NCOA2: variants seen among roughly 807,000 people sequenced by gnomAD.
The protein encoded by NCOA2 is nuclear receptor coactivator 2.
Under a neutral mutation model 145.1 loss-of-function variants are expected in NCOA2, and 21 were observed. That is an observed-to-expected ratio of 0.14 (90% CI 0.10 to 0.21). NCOA2 has a LOEUF of 0.21. Among genes scored for constraint, NCOA2 ranks in the 10% least tolerant of loss-of-function variants. The pLI, the probability that NCOA2 is intolerant of heterozygous loss-of-function variation, is 1.00. For missense variants in NCOA2, 1,472 were observed against 1,837.6 expected (o/e 0.80, Z 3.64); for synonymous variants, 619 against 637.5 (o/e 0.97, Z 0.44).
At chr8:70,433,603 C>T in the NCOA2 span, among the ~76,000 whole-genome samples, 3 of 152,076 alleles carry the variant, frequency 2.0e-5, no homozygotes, top group Non-Finnish European at 4.4e-5. Context: ...TATGCAATGC[C>T]GCTACTGAAG....
At chr8:70,366,183 C>T (rs770032821) in intron 1 of NCOA2, among the ~76,000 whole-genome samples, 14 of 152,266 alleles carry the variant, frequency 9.2e-5, no homozygotes, top group Admixed American at 2.0e-4. Context: ...AAAGATCCCA[C>T]GAGAGCCCTC....
At chr8:70,410,209 CA>C in the NCOA2 span, among the ~76,000 whole-genome samples, 216 of 147,166 alleles carry the variant, frequency 1.5e-3, 1 homozygote, top group African/African-American at 5.2e-3. Flanking sequence ...GATTCTTGTC[CA>C]AAAAAAAACA....
At chr8:70,179,652 C>T (rs554174932) in intron 4 of NCOA2, among the ~76,000 whole-genome samples, 1 of 152,248 alleles carries the variant, frequency 6.6e-6, no homozygotes, top group East Asian at 1.9e-4. Context: ...GTTTTCTCAG[C>T]GGTCACAAAC....
At chr8:70,412,167 A>G in the NCOA2 span, among the ~76,000 whole-genome samples, 1 of 152,090 alleles carries the variant, frequency 6.6e-6, no homozygotes. Context: ...AGCAGCTGTA[A>G]TTCCAGCTAC....
At chr8:70,396,204 C>A (rs1813655971) in intron 1 of NCOA2, among the ~76,000 whole-genome samples, 1 of 152,204 alleles carries the variant, frequency 6.6e-6, no homozygotes, top group Admixed American at 6.5e-5. Context: ...GTTTTAAGGG[C>A]ATAAGAAGCC....
chr8:70,304,431 A>T (rs896316571), intron 1 of NCOA2, among the ~76,000 whole-genome samples: 3 of 152,094 alleles, frequency 2.0e-5, no homozygotes, highest in Non-Finnish European at 2.9e-5. Flanking sequence ...TAATGAGGCA[A>T]TACTCAGAAT....
chr8:70,272,353 C>A (rs1390584259), intron 2 of NCOA2, among the ~76,000 whole-genome samples: 2 of 152,168 alleles, frequency 1.3e-5, no homozygotes, highest in South Asian at 2.1e-4. Context: ...CAACATGAAA[C>A]CCCTACCCCC....
rs140175934 is a variant in NCOA2 at position 70,335,405 on chromosome 8, G to C, written c.-76-38605C>G. Among the ~76,000 whole-genome samples the C allele has an allele frequency of 9.7e-4, 147 of 152,224 alleles. 4 individuals are homozygous for C. Among genetic ancestry groups the C allele is most frequent in the Admixed American group, 8.0e-3 (123 of 15,294 alleles). On this transcript the variant is annotated intron_variant, in intron 1 of 22. Transcript: ENST00000452400. ...AGCAACACACTACAACAGCTAAACA[G>C]ATTTTACACCAAATCTGAAGGGCTT...
chr8:70,159,244 T>TATATATATATAAATATATGTATATATA, intron 10 of NCOA2, among the ~76,000 whole-genome samples: 1 of 69,304 alleles, frequency 1.4e-5, no homozygotes, highest in African/African-American at 5.2e-5. Context: ...ATATATATAT[T>TATATATATATAAATATATGTATATATA]TTTTTTTTTT....
intron 1 of NCOA2, among the ~76,000 whole-genome samples, chr8:70,318,680 A>G (rs1021625766): frequency 2.6e-5 from 4 of 152,086 alleles, no homozygotes; most frequent in Admixed American, 1.3e-4. Flanking sequence ...TGGGAGGATC[A>G]TTTGAGCCCA....
At chr8:70,259,150 T>G (rs1823897857) in intron 2 of NCOA2, among the ~76,000 whole-genome samples, 1 of 152,212 alleles carries the variant, frequency 6.6e-6, no homozygotes, top group South Asian at 2.1e-4. Flanking sequence ...AAAGGTTTAT[T>G]ATCTCAATAG....
chr8:70,325,765 T>C (rs1299538842), intron 1 of NCOA2, among the ~76,000 whole-genome samples: 1 of 152,226 alleles, frequency 6.6e-6, no homozygotes, highest in African/African-American at 2.4e-5. Flanking sequence ...TTGTCTGTTC[T>C]TTATCGAGGC....
chr8:70,122,033 A>G (rs576791421), intron 21 of NCOA2, among the ~76,000 whole-genome samples: 1 of 152,336 alleles, frequency 6.6e-6, no homozygotes, highest in South Asian at 2.1e-4. Flanking sequence ...AACAATCTGG[A>G]TTGTTAAAAA....
chr8:70,242,508 G>A (rs1234308477), intron 2 of NCOA2, among the ~76,000 whole-genome samples: 1 of 152,032 alleles, frequency 6.6e-6, no homozygotes, highest in Non-Finnish European at 1.5e-5. Flanking sequence ...TAATGACAAG[G>A]ACCAAAGCAC....
intron 1 of NCOA2, among the ~76,000 whole-genome samples, chr8:70,351,546 G>A (rs993251252): frequency 1.3e-5 from 2 of 148,648 alleles, no homozygotes; most frequent in Admixed American, 1.3e-4. Context: ...CTTTATCTAG[G>A]TTTCTTGACT....
At chr8:70,326,618 T>C (rs1414231762) in intron 1 of NCOA2, among the ~76,000 whole-genome samples, 2 of 152,096 alleles carry the variant, frequency 1.3e-5, no homozygotes, top group Non-Finnish European at 2.9e-5. Context: ...ATGATATATA[T>C]ATAACAAATC....
chr8:70,119,524 A>T (rs1468921146), intron 22 of NCOA2, among the ~76,000 whole-genome samples: 1 of 152,248 alleles, frequency 6.6e-6, no homozygotes, highest in African/African-American at 2.4e-5. Context: ...TAACCACAAG[A>T]GTGCAGGTAT....
intron 15 of NCOA2, 74 bp downstream of exon 15, chr8:70,138,129 G>C: frequency 6.7e-7 from 1 of 1,493,416 alleles, no homozygotes; most frequent in Non-Finnish European, 9.1e-7. Flanking sequence ...GTCAGGCACC[G>C]ACTACTCCAA....
chr8:70,402,585 TCCCCCAGCAC>T (rs1814404574), intron 1 of NCOA2: 1 of 149,282 alleles, frequency 6.7e-6, no homozygotes, highest in Non-Finnish European at 1.5e-5. Context: ...CCCGGCCCCC[TCCCCCAGCAC>T]CCCCCAGGGG....
Sources: gnomAD v4.1 joint callset for allele counts (sites outside exome capture counted in the v4.1 genomes callset) on GRCh38, gnomAD v4.1.1 for gene constraint, MANE v1.5 for transcripts, NCBI Gene and HGNC (gene_info 2026-07-23, HGNC 2026-07-21) for gene names.